SPATS2L: variants seen among roughly 807,000 people sequenced by gnomAD.
SPATS2L encodes the protein spermatogenesis associated serine rich 2 like.
Under a neutral mutation model 59.6 loss-of-function variants are expected in SPATS2L, and 30 were observed. That is an observed-to-expected ratio of 0.50 (90% CI 0.38 to 0.68). SPATS2L has a LOEUF of 0.68. SPATS2L is among the 30% of genes least tolerant of loss of function. The pLI is 0.00. For missense variants in SPATS2L, 615 were observed against 700.0 expected, an observed-to-expected ratio of 0.88 and a Z score of 1.37; for synonymous variants, 252 against 263.5, an observed-to-expected ratio of 0.96 and a Z score of 0.42.
chr2:200,334,997 C>G (rs1321166530), intron 2 of SPATS2L, among the ~76,000 whole-genome samples: 1 of 152,154 alleles, frequency 6.6e-6, no homozygotes, highest in Non-Finnish European at 1.5e-5. Context: ...GCGATGCAGG[C>G]TCTTTTTTGT....
At chr2:200,420,782 G>T (rs1241192224) in intron 6 of SPATS2L, among the ~76,000 whole-genome samples, 2 of 152,046 alleles carry the variant, frequency 1.3e-5, no homozygotes, top group African/African-American at 4.8e-5. Context: ...TTAAAATCAT[G>T]AATGTCCAGG....
In SPATS2L at chr2:200,481,676, CT is replaced by C; in HGVS notation, c.*3651del. ...ATCCAATGACCTATGTAACGGCACC[CT>C]TTTTTGCTGTACGCGTTTTTTGAGA... On this transcript the variant is annotated 3_prime_UTR_variant, in exon 13 of 13. Coordinates refer to ENST00000409140, the MANE Select transcript of SPATS2L (RefSeq NM_001100423.2). The C allele has an allele frequency of 6.6e-6, 1 of 152,442 alleles. No individual in the cohort carries two copies. Among genetic ancestry groups the C allele is most frequent in the Non-Finnish European group, 1.5e-5 (1 of 68,126 alleles). The allele number at this position is 152,442 out of a possible 1,614,324, so 9.4% of individuals were successfully genotyped here. A position where few individuals can be genotyped will look rare whatever the true frequency, so the allele number is the denominator to read the frequency against.
In SPATS2L at chr2:200,332,751, A is replaced by AT. The variant is rs953988959; in HGVS notation, c.-23+3271_-23+3272insT. Among the ~76,000 whole-genome samples the AT allele has an allele frequency of 2.7e-5, 4 of 147,238 alleles. No individual in the cohort carries two copies. The Admixed American group carries it at 2.8e-4, about 10-fold the overall frequency. On this transcript the variant is annotated intron_variant, in intron 2 of 12. Transcript: ENST00000409140. ...AATTCATTATATTTTTTTTTTGAAA[A>AT]AAAAAAACTAAGTTAGCTGCCTGTG...
At chr2:200,459,421 C>G (rs768657340) in intron 8 of SPATS2L, among the ~76,000 whole-genome samples, 1 of 152,108 alleles carries the variant, frequency 6.6e-6, no homozygotes, top group African/African-American at 2.4e-5. Flanking sequence ...TAAGTGCCAG[C>G]TTTTCAAATA....
chr2:200,416,289 A>T, intron 4 of SPATS2L, 90 bp from the exon 5 acceptor site: 1 of 566,802 alleles, frequency 1.8e-6, no homozygotes, highest in Non-Finnish European at 2.8e-6. Context: ...AAAAAAAAAA[A>T]AGCTGCTACC....
intron 3 of SPATS2L, among the ~76,000 whole-genome samples, chr2:200,401,318 A>G (rs1394991760): frequency 6.6e-6 from 1 of 151,910 alleles, no homozygotes; most frequent in East Asian, 1.9e-4. Flanking sequence ...TTCCTAAGCC[A>G]CAGAAATAGT....
At chr2:200,444,927 C>G (rs1185669101) in intron 8 of SPATS2L, among the ~76,000 whole-genome samples, 1 of 152,002 alleles carries the variant, frequency 6.6e-6, no homozygotes, top group African/African-American at 2.4e-5. Flanking sequence ...ATGTAACTTA[C>G]TAAACTCATC....
chr2:200,391,807 C>A (rs140795939), intron 3 of SPATS2L, among the ~76,000 whole-genome samples: 169 of 152,212 alleles, frequency 1.1e-3, no homozygotes, highest in African/African-American at 3.6e-3. Flanking sequence ...GGTTCTAAAG[C>A]CTGTACCCTT....
At chr2:200,416,273 C>CAAAAAAAAAAAA (rs5837739) in intron 4 of SPATS2L, 106 bp from the exon 5 acceptor site, 1 of 318,486 alleles carries the variant, frequency 3.1e-6, no homozygotes, top group African/African-American at 3.2e-5. Flanking sequence ...ATGAAAAAGC[C>CAAAAAAAAAAAA]AAAAAAAAAA....
chr2:200,393,221 A>G (rs1027789719), intron 3 of SPATS2L: 1 of 456,902 alleles, frequency 2.2e-6, no homozygotes, highest in South Asian at 1.5e-5. Context: ...TTAAAGAATC[A>G]GACTCATAGC....
chr2:200,360,525 C>T (rs992233198), intron 2 of SPATS2L, among the ~76,000 whole-genome samples: 2 of 152,188 alleles, frequency 1.3e-5, no homozygotes, highest in African/African-American at 4.8e-5. Flanking sequence ...TGGAAAGTTA[C>T]CCTCTTTGCC....
intron 6 of SPATS2L, among the ~76,000 whole-genome samples, chr2:200,438,396 C>A (rs1038444723): frequency 6.6e-6 from 1 of 152,180 alleles, no homozygotes; most frequent in African/African-American, 2.4e-5. Context: ...GATACATTTC[C>A]GTTTCAGGCC....
intron 2 of SPATS2L, among the ~76,000 whole-genome samples, chr2:200,336,332 A>G (rs545325926): frequency 6.6e-6 from 1 of 152,292 alleles, no homozygotes; most frequent in South Asian, 2.1e-4. Flanking sequence ...AAAACATTGT[A>G]TTCATTCTGT....
rs564804125 is a variant in SPATS2L, at chr2:200,403,355, A to C, written c.40-8956A>C. On this transcript the variant is annotated intron_variant, in intron 3 of 12. Transcript: ENST00000409140. ...TGAAAAATTGCAGAAGAGCACGTTT[A>C]CTCTATAAAGATGGAATTGTGGAGA... Among the ~76,000 whole-genome samples the C allele has an allele frequency of 8.5e-5, 13 of 152,292 alleles. No homozygotes were observed. In the South Asian group the frequency reaches 2.7e-3, roughly 32 times the overall value.
chr2:200,447,827 A>ATAAT (rs909155134), intron 8 of SPATS2L, among the ~76,000 whole-genome samples: 1 of 152,236 alleles, frequency 6.6e-6, no homozygotes, highest in Non-Finnish European at 1.5e-5. Flanking sequence ...GCATTGTTAT[A>ATAAT]TAATAATTTT....
intron 2 of SPATS2L, among the ~76,000 whole-genome samples, chr2:200,375,708 C>T (rs1021318536): frequency 3.3e-5 from 5 of 152,174 alleles, no homozygotes; most frequent in Admixed American, 2.0e-4. Context: ...CTCACTGCAG[C>T]CTCCACCTCC....
chr2:200,354,188 C>T (rs1158836068), intron 2 of SPATS2L, among the ~76,000 whole-genome samples: 4 of 152,176 alleles, frequency 2.6e-5, no homozygotes, highest in Non-Finnish European at 5.9e-5. Flanking sequence ...TTAGTGAAGG[C>T]TCTCTGCTCT....
chr2:200,406,095 A>G (rs1313958933), intron 3 of SPATS2L, among the ~76,000 whole-genome samples: 1 of 152,180 alleles, frequency 6.6e-6, no homozygotes, highest in Non-Finnish European at 1.5e-5. Flanking sequence ...CATCTACTGA[A>G]TGCCACCCAT....
Position 200,416,378 on chromosome 2 carries a change from G to C in SPATS2L, c.149-1G>C. The C allele has an allele frequency of 6.8e-7, 1 of 1,473,402 alleles. No individual in the cohort carries two copies. Among genetic ancestry groups the C allele is most frequent in the South Asian group, 1.4e-5 (1 of 70,464 alleles). 91.3% of individuals were successfully genotyped at this position (1,473,402 alleles called of 1,614,324 possible). On this transcript the variant is annotated splice_acceptor_variant, in intron 4 of 12. Coordinates refer to ENST00000409140, the MANE Select transcript of SPATS2L (RefSeq NM_001100423.2). LOFTEE classifies it high-confidence loss of function. ...GTTGAAGATTCTTTGTCTTTATCTA[G>C]GCAGTGCAATTCAAGTTCTAAAAGA...
Sources: gnomAD v4.1 joint callset for allele counts (sites outside exome capture counted in the v4.1 genomes callset) on GRCh38, gnomAD v4.1.1 for gene constraint, MANE v1.5 for transcripts, NCBI Gene and HGNC (gene_info 2026-07-23, HGNC 2026-07-21) for gene names.